The following ADAM22 variants were observed in gnomAD, a reference collection of about 807,000 sequenced individuals.
The protein encoded by ADAM22 is ADAM metallopeptidase domain 22.
A neutral mutation model predicts 144.6 loss-of-function variants in ADAM22; 65 were observed. The ratio of observed to expected loss-of-function variants is 0.45; its 90% CI spans 0.37 to 0.55. The LOEUF (loss-of-function observed/expected upper bound fraction) is 0.55. Ranked by LOEUF, ADAM22 falls within the 20% of genes least tolerant of loss-of-function variation. The pLI, the probability that ADAM22 is intolerant of heterozygous loss-of-function variation, is 0.00. For synonymous variants in ADAM22, 391 were observed against 412.6 expected, an observed-to-expected ratio of 0.95 and a Z score of 0.63; for missense variants, 974 against 1,184.9, an observed-to-expected ratio of 0.82 and a Z score of 2.61.
Position 87,982,670 on chromosome 7 carries a change from C to CATATATATATATATAT in ADAM22, c.323+4272_323+4287dup, listed in dbSNP as rs3086405. Among the ~76,000 whole-genome samples the CATATATATATATATAT allele has an allele frequency of 6.9e-3, 264 of 38,058 alleles. 13 individuals are homozygous for CATATATATATATATAT. Among genetic ancestry groups the CATATATATATATATAT allele is most frequent in the East Asian group, 0.022 (25 of 1,156 alleles). The allele number at this position is 38,058 out of a possible 152,430, so 25.0% of individuals were successfully genotyped here. Reference sequence around the variant, plus strand: ...ATTTATTCATCAGATTCAGTTATTACATATATATATATATATATATATATA... The same window carrying CATATATATATATATAT: ...ATTTATTCATCAGATTCAGTTATTACATATATATATATATATATATATATATATATATATATATATA... On this transcript the variant is annotated intron_variant, in intron 3 of 31. Coordinates refer to ENST00000413139, the MANE Select transcript of ADAM22 (RefSeq NM_001324418.2).
chr7:88,071,041 C>T (rs1332658711), intron 3 of ADAM22, among the ~76,000 whole-genome samples: 1 of 152,084 alleles, frequency 6.6e-6, no homozygotes. Context: ...TCAAGATGTT[C>T]TATTTCTTGG....
intron 4 of ADAM22, among the ~76,000 whole-genome samples, chr7:88,078,857 A>C (rs187986350): frequency 3.2e-4 from 49 of 152,362 alleles, no homozygotes; most frequent in African/African-American, 1.2e-3. Context: ...TGAAAAGACC[A>C]AATCTACGTC....
intron 3 of ADAM22, among the ~76,000 whole-genome samples, chr7:88,038,696 G>A (rs981672797): frequency 3.3e-5 from 5 of 151,642 alleles, no homozygotes; most frequent in East Asian, 3.9e-4. Flanking sequence ...CTCGTGATCC[G>A]CCCGTCTCGG....
At chr7:87,983,048 T>G (rs888513720) in intron 3 of ADAM22, among the ~76,000 whole-genome samples, 3 of 152,048 alleles carry the variant, frequency 2.0e-5, no homozygotes, top group Non-Finnish European at 4.4e-5. Flanking sequence ...ATCTTTTCAT[T>G]GATTTTAGGG....
chr7:88,028,557 T>C (rs1040243651), intron 3 of ADAM22, among the ~76,000 whole-genome samples: 4 of 152,198 alleles, frequency 2.6e-5, no homozygotes, highest in African/African-American at 9.7e-5. Context: ...CTGGATGATC[T>C]GTCTAATGCT....
chr7:87,957,543 C>CA (rs1257768925), intron 2 of ADAM22, among the ~76,000 whole-genome samples: 1 of 152,042 alleles, frequency 6.6e-6, no homozygotes, highest in Non-Finnish European at 1.5e-5. Context: ...CATTGTCTTG[C>CA]AACTGGTGTG....
At chr7:88,122,678 A>G (rs1829584972) in intron 7 of ADAM22, among the ~76,000 whole-genome samples, 1 of 152,200 alleles carries the variant, frequency 6.6e-6, no homozygotes, top group Non-Finnish European at 1.5e-5. Flanking sequence ...GAGACAAGTT[A>G]TCTGCCCTAT....
At chr7:88,048,141 C>G (rs1040357353) in intron 3 of ADAM22, among the ~76,000 whole-genome samples, 1 of 152,026 alleles carries the variant, frequency 6.6e-6, no homozygotes, top group African/African-American at 2.4e-5. Context: ...TGATCGGCAG[C>G]CTACTTTTTT....
intron 5 of ADAM22, among the ~76,000 whole-genome samples, chr7:88,109,545 C>G (rs1292774463): frequency 1.3e-5 from 2 of 151,970 alleles, no homozygotes; most frequent in Non-Finnish European, 1.5e-5. Flanking sequence ...TTGTTACCAT[C>G]TTAGAGATGT....
intron 2 of ADAM22, among the ~76,000 whole-genome samples, chr7:87,970,431 T>C (rs189609339): frequency 1.3e-5 from 2 of 152,316 alleles, no homozygotes; most frequent in African/African-American, 2.4e-5. Flanking sequence ...TATCTTATTG[T>C]ATACTACCAT....
intron 25 of ADAM22, among the ~76,000 whole-genome samples, chr7:88,169,218 T>C (rs1216191711): frequency 2.0e-5 from 3 of 152,130 alleles, no homozygotes; most frequent in Admixed American, 6.6e-5. Context: ...CAGGATAAGC[T>C]TTGTATGCTG....
intron 2 of ADAM22, among the ~76,000 whole-genome samples, chr7:87,944,142 T>A (rs185033570): frequency 1.4e-4 from 21 of 152,302 alleles, no homozygotes; most frequent in African/African-American, 1.9e-4. Context: ...TGCTTTATTT[T>A]TTTTTTTTCA....
At chr7:88,083,446 A>G (rs1189451485) in intron 4 of ADAM22, among the ~76,000 whole-genome samples, 1 of 151,956 alleles carries the variant, frequency 6.6e-6, no homozygotes, top group African/African-American at 2.4e-5. Flanking sequence ...TATGTAACAA[A>G]CCTGCACGTT....
intron 3 of ADAM22, among the ~76,000 whole-genome samples, chr7:88,070,473 G>A (rs1812438010): frequency 6.6e-6 from 1 of 152,134 alleles, no homozygotes; most frequent in South Asian, 2.1e-4. Flanking sequence ...ACATCTTACT[G>A]GCAGCACCTT....
chr7:88,165,745 G>A, intron 23 of ADAM22, 87 bp from the exon 24 acceptor site: 1 of 868,678 alleles, frequency 1.2e-6, no homozygotes, highest in Non-Finnish European at 1.8e-6. Context: ...CACATTCTAA[G>A]CATATAATAA....
chr7:88,076,001 ATTATT>A (rs1302671996), intron 4 of ADAM22, among the ~76,000 whole-genome samples: 1 of 152,082 alleles, frequency 6.6e-6, no homozygotes, highest in Non-Finnish European at 1.5e-5. Flanking sequence ...AAAAACCCCA[ATTATT>A]TTATTTTATT....
chr7:88,157,666 C>T (rs943253309), intron 22 of ADAM22, among the ~76,000 whole-genome samples: 8 of 152,136 alleles, frequency 5.3e-5, no homozygotes, highest in East Asian at 1.9e-4. Flanking sequence ...AGATTTACAG[C>T]GCTACGAAAC....
chr7:88,123,903 C>T (rs979358630), intron 7 of ADAM22, among the ~76,000 whole-genome samples: 1 of 151,718 alleles, frequency 6.6e-6, no homozygotes, highest in East Asian at 1.9e-4. Context: ...TATCGAAATA[C>T]TTGGTTATTT....
Position 87,982,687 on chromosome 7 carries a change from AT to A in ADAM22, c.323+4276del, listed in dbSNP as rs1562916512. Among the ~76,000 whole-genome samples the A allele has an allele frequency of 1.8e-4, 13 of 73,444 alleles. 1 individual carries two copies. The highest frequency in any genetic ancestry group is 2.4e-4 in the Admixed American group (2 of 8,164). 48.2% of individuals were successfully genotyped at this position (73,444 alleles called of 152,430 possible). ...AGTTATTACATATATATATATATAT[AT>A]ATATATATATAATTTTTTTTTTTGA... On this transcript the variant is annotated intron_variant, in intron 3 of 31. Transcript: ENST00000413139.
Sources: allele counts gnomAD v4.1 joint callset (sites outside exome capture counted in the v4.1 genomes callset), GRCh38; gene constraint gnomAD v4.1.1; transcripts MANE v1.5; gene names NCBI Gene and HGNC (gene_info 2026-07-23, HGNC 2026-07-21).